CSF1R: variants seen among roughly 807,000 people sequenced by gnomAD.
CSF1R encodes colony stimulating factor 1 receptor, also known as macrophage colony-stimulating factor 1 receptor.
A neutral mutation model predicts 110.0 loss-of-function variants in CSF1R; 40 were observed. That is an observed-to-expected ratio of 0.36 (90% CI 0.28 to 0.47). CSF1R has a LOEUF of 0.47. Ranked by LOEUF, CSF1R falls within the 20% of genes least tolerant of loss-of-function variation. The pLI is 0.99. For missense variants in CSF1R, 1,052 were observed against 1,253.0 expected (o/e 0.84, Z 2.42); for synonymous variants, 523 against 503.4 (o/e 1.04, Z -0.52).
Position 150,080,594 on chromosome 5 carries a change from C to T in CSF1R, c.307+173G>A, listed in dbSNP as rs1040930792. The stretch of plus-strand genomic sequence containing the variant: ...TCTAGAAAATGCATCATCATAGACC[C>T]GACTTGCAGGGTTGTTGTGAGGACT... On this transcript the variant is annotated intron_variant, in intron 2 of 20. Coordinates refer to ENST00000675795, the MANE Select transcript of CSF1R (RefSeq NM_001288705.3). 3.3e-5 allele frequency among the ~76,000 whole-genome samples: 5 copies of T among 152,310 alleles called. No homozygotes were observed. The East Asian group carries it at 7.7e-4, about 24-fold the overall frequency.
At chr5:150,074,365 T>C (rs950908278) in intron 5 of CSF1R, among the ~76,000 whole-genome samples, 3 of 147,610 alleles carry the variant, frequency 2.0e-5, no homozygotes, top group Non-Finnish European at 4.4e-5. Context: ...TGGAGTGCAG[T>C]GGCACAGTCT....
At chr5:150,057,679 G>T in intron 14 of CSF1R, 87 bp from the exon 15 acceptor site, 1 of 927,050 alleles carries the variant, frequency 1.1e-6, no homozygotes, top group Non-Finnish European at 1.7e-6. Flanking sequence ...CCACCCCATG[G>T]TCAACTGGAA....
chr5:150,076,361 T>TCTAC (rs1180296428), intron 5 of CSF1R, among the ~76,000 whole-genome samples: 7 of 150,116 alleles, frequency 4.7e-5, no homozygotes, highest in African/African-American at 1.7e-4. Flanking sequence ...TATCTATCTA[T>TCTAC]CTATCTATCT....
chr5:150,113,148 C>G (rs1403748998), intron 1 of CSF1R: 1 of 152,440 alleles, frequency 6.6e-6, no homozygotes, highest in Non-Finnish European at 1.5e-5. Flanking sequence ...CATGCCGGCC[C>G]CACAACCCCT....
Position 150,078,401 on chromosome 5 carries a change from C to T in CSF1R, c.593-153G>A, listed in dbSNP as rs368604146. 5.9e-5 allele frequency among the ~76,000 whole-genome samples: 9 copies of T among 152,126 alleles called. No individual in the cohort carries two copies. In the South Asian group the frequency reaches 8.3e-4, roughly 14 times the overall value. ...GGAGGCAGCCTTGATGCTCCCAGTC[C>T]CCCCACTGCAAGGCCTGTCCTAAAG... is the stretch of plus-strand genomic sequence containing the variant. On this transcript the variant is annotated intron_variant, in intron 3 of 20. Transcript: ENST00000675795.
At chr5:150,083,370 AC>A (rs1474345269) in intron 1 of CSF1R, among the ~76,000 whole-genome samples, 1 of 141,156 alleles carries the variant, frequency 7.1e-6, no homozygotes, top group East Asian at 2.0e-4. Flanking sequence ...ACACACACAC[AC>A]ACACACACAC....
At chr5:150,096,556 T>G (rs1007388667) in intron 1 of CSF1R, among the ~76,000 whole-genome samples, 1 of 152,192 alleles carries the variant, frequency 6.6e-6, no homozygotes, top group African/African-American at 2.4e-5. Flanking sequence ...CCAATATCCC[T>G]TATGAAAATA....
intron 6 of CSF1R, among the ~76,000 whole-genome samples, chr5:150,070,795 T>G (rs1024193269): frequency 6.6e-6 from 1 of 152,232 alleles, no homozygotes; most frequent in African/African-American, 2.4e-5. Context: ...AAGTGTTTTT[T>G]TCCCGAGGTT....
chr5:150,093,389 T>A (rs1158226157), intron 1 of CSF1R, among the ~76,000 whole-genome samples: 2 of 152,190 alleles, frequency 1.3e-5, no homozygotes, highest in Non-Finnish European at 2.9e-5. Context: ...TCATGCTATA[T>A]TTAAAGTAAC....
chr5:150,075,218 CATCT>C (rs1186490435), intron 5 of CSF1R, among the ~76,000 whole-genome samples: 3 of 152,152 alleles, frequency 2.0e-5, no homozygotes, highest in East Asian at 1.9e-4. Context: ...CTCAACAATC[CATCT>C]ATCTATTATT....
In CSF1R at chr5:150,056,087, G is replaced by T; in HGVS notation, c.2493C>A (p.Val831=). The T allele has an allele frequency of 6.2e-7, 1 of 1,614,258 alleles. No individual in the cohort carries two copies. Among genetic ancestry groups the T allele is most frequent in the Non-Finnish European group, 8.5e-7 (1 of 1,180,048 alleles). ...ACCAGACGTCGCTCTGAACCGTGTA[G>T]ACACAGTCAAAGATGCTCTCTGGGG... The part of the protein sequence containing the change: ...WMAPESIFDC[V]YTVQSDVWSY... The change falls in exon 18 of 21, where the codon GTC becomes GTA. Residue 831 remains valine (V), a synonymous_variant. Transcript: ENST00000675795.
At chr5:150,088,359 GA>G (rs1457819968), upstream of CSF1R, among the ~76,000 whole-genome samples, 1 of 152,094 alleles carries the variant, frequency 6.6e-6, no homozygotes, top group African/African-American at 2.4e-5. Context: ...AACATTTAAA[GA>G]AGAATTAATA....
In CSF1R at chr5:150,054,215, T is replaced by C. The variant is rs1483978909; in HGVS notation, c.2773A>G (p.Asn925Asp). 3 of 1,612,254 alleles carry C rather than the reference T, an allele frequency of 1.9e-6. No individual in the cohort carries two copies. The highest frequency in any genetic ancestry group is 2.5e-6 in the Non-Finnish European group (3 of 1,179,280). Residue 925 changes from asparagine (N) to aspartate (D), a missense_variant, in exon 21 of 21, where the codon AAT (asparagine) becomes GAT (aspartate). By Grantham distance (23) the Asn-to-Asp change is conservative. Transcript: ENST00000675795. ...CCGCTTCTGCTGCTGCTCGGCAGAT[T>C]GGTATAGTCCTGAGGGTGGGAGGGA... Reference protein sequence around the residue: ...QEDRRERDYTNLPSSSRSGGS... With the variant: ...QEDRRERDYTDLPSSSRSGGS...
rs762951927 is a variant in CSF1R at position 150,054,358 on chromosome 5, G to A, written c.2727C>T (p.Phe909=). Residue 909 remains phenylalanine, a synonymous_variant, in exon 20 of 21, where the codon TTC becomes TTT. Coordinates refer to ENST00000675795, the MANE Select transcript of CSF1R (RefSeq NM_001288705.3). ...TGTCCTCTTGGGCCTGCTCCTGAAGGAAGGAGCAGATCTGCTGGAAGGTGG... is the reference window on the plus strand; with the variant it reads ...TGTCCTCTTGGGCCTGCTCCTGAAGAAAGGAGCAGATCTGCTGGAAGGTGG... The part of the protein sequence containing the change: ...HRPTFQQICS[F]LQEQAQEDRR... 6.2e-7 allele frequency: 1 copy of A among 1,614,146 alleles called. No homozygotes were observed. Among genetic ancestry groups the A allele is most frequent in the Non-Finnish European group, 8.5e-7 (1 of 1,180,018 alleles).
At chr5:150,099,320 T>C (rs1163262790) in intron 1 of CSF1R, among the ~76,000 whole-genome samples, 3 of 152,300 alleles carry the variant, frequency 2.0e-5, no homozygotes, top group African/African-American at 4.8e-5. Context: ...AGGAAACTTT[T>C]ACCATAATTC....
intron 3 of CSF1R, among the ~76,000 whole-genome samples, chr5:150,079,433 A>G (rs532955739): frequency 7.9e-5 from 12 of 152,254 alleles, no homozygotes; most frequent in Admixed American, 2.0e-4. Flanking sequence ...CTGCCATCCC[A>G]GCAGGGTGAG....
At position 150,055,918 on chromosome 5, in the gene CSF1R, C is replaced by T. The variant is rs369281588; in HGVS notation, c.2554+108G>A. The T allele has an allele frequency of 5.0e-4, 503 of 1,013,026 alleles. 5 individuals are homozygous for T. The South Asian group carries it at 7.7e-3, about 16-fold the overall frequency. The allele number at this position is 1,013,026 out of a possible 1,614,324, so 62.8% of individuals were successfully genotyped here. On this transcript the variant is annotated intron_variant, in intron 18 of 20. Transcript: ENST00000675795. ...TCGAGAGCCCTTGCCCATTCCTGCA[C>T]TCTCACCAACCCTCGCTGTGTCCTG...
chr5:150,053,959 T>G lies in CSF1R; in HGVS notation c.*110A>C. 2 of 1,116,660 alleles carry G rather than the reference T, an allele frequency of 1.8e-6. No individual in the cohort carries two copies. Among genetic ancestry groups the G allele is most frequent in the Non-Finnish European group, 2.6e-6 (2 of 765,266 alleles). 69.2% of individuals were successfully genotyped at this position (1,116,660 alleles called of 1,614,324 possible). ...CAAGTTTCAGAGCTGGGCCGAGCTG[T>G]TGAGTGAAATGACCGAAGGCAGAGT... is the stretch of plus-strand genomic sequence containing the variant. On this transcript the variant is annotated 3_prime_UTR_variant, in exon 21 of 21. Coordinates refer to ENST00000675795, the MANE Select transcript of CSF1R (RefSeq NM_001288705.3).
intron 10 of CSF1R, among the ~76,000 whole-genome samples, chr5:150,064,325 CAG>C (rs1757662143): frequency 6.6e-6 from 1 of 152,300 alleles, no homozygotes; most frequent in Non-Finnish European, 1.5e-5. Flanking sequence ...AAGAGAGAGA[CAG>C]GGAGAAAGCT....
Sources: allele counts gnomAD v4.1 joint callset (sites outside exome capture counted in the v4.1 genomes callset), GRCh38; gene constraint gnomAD v4.1.1; transcripts MANE v1.5; gene names NCBI Gene and HGNC (gene_info 2026-07-23, HGNC 2026-07-21).